FAM180B: variants seen among roughly 807,000 people sequenced by gnomAD.
FAM180B encodes family with sequence similarity 180 member B, also known as protein FAM180B.
In FAM180B, 14 loss-of-function variants were observed where a neutral mutation model predicts 13.6. The ratio of observed to expected loss-of-function variants is 1.03; its 90% CI spans 0.68 to 1.60. The LOEUF (loss-of-function observed/expected upper bound fraction) is 1.60, where lower values mean the gene tolerates loss of function less well. FAM180B is among the 40% of genes most tolerant of loss of function. FAM180B has a pLI of 0.00. For synonymous variants in FAM180B, 109 were observed against 97.0 expected (o/e 1.12, Z -0.72); for missense variants, 212 against 230.4 (o/e 0.92, Z 0.52).
chr11:47,586,845 C>G lies in FAM180B; in HGVS notation c.77C>G (p.Pro26Arg). The change falls in exon 1 of 3, where the codon CCC becomes CGC. Residue 26 changes from proline to arginine, a missense_variant. By Grantham distance (103) the Pro-to-Arg change is moderately radical. Coordinates refer to ENST00000538490, the MANE Select transcript of FAM180B (RefSeq NM_001164379.3). ...CLLSGVTTTQ[P>R]HAGQPMDSTS... Reference sequence around the variant, plus strand: ...CTCTCTGGTGTGACTACAACCCAGCCCCATGCAGGTACCAGGCTTCAGGGT... The same window carrying G: ...CTCTCTGGTGTGACTACAACCCAGCGCCATGCAGGTACCAGGCTTCAGGGT... 1 of 1,536,428 alleles carries G rather than the reference C, an allele frequency of 6.5e-7. No individual in the cohort carries two copies. Among genetic ancestry groups the G allele is most frequent in the Non-Finnish European group, 8.7e-7 (1 of 1,146,164 alleles).
In FAM180B at chr11:47,588,359, G is replaced by A. The variant is rs2097272924; in HGVS notation, c.477G>A (p.Leu159=). 7 of 1,534,884 alleles carry A rather than the reference G, an allele frequency of 4.6e-6. No homozygotes were observed. The highest frequency in any genetic ancestry group is 2.7e-5 in the African/African-American group (2 of 73,096). ...ALLAQETLWD[L]CKGFCPQDRP... ...TGGCACAGGAAACACTCTGGGACCT[G>A]TGCAAAGGTTTCTGCCCCCAGGACC... Residue 159 remains leucine (L), a synonymous_variant, in exon 3 of 3, where the codon CTG becomes CTA. Transcript: ENST00000538490.
In FAM180B at chr11:47,588,257, C is replaced by A. The variant is rs776998281; in HGVS notation, c.375C>A (p.Gly125=). 8 of 1,537,102 alleles carry A rather than the reference C, an allele frequency of 5.2e-6. No individual in the cohort carries two copies. In the South Asian group the frequency reaches 5.9e-5, roughly 11 times the overall value. Residue 125 remains glycine (G), a synonymous_variant, in exon 3 of 3, where the codon GGC becomes GGA. Coordinates refer to ENST00000538490, the MANE Select transcript of FAM180B (RefSeq NM_001164379.3). The part of the protein sequence containing the change: ...TWDFEHLLLT[G]LSCVYRLHAA... Reference sequence around the variant, plus strand: ...ACTTTGAACATCTGCTCCTCACAGGCCTGTCCTGCGTCTACCGGCTCCACG... The same window carrying A: ...ACTTTGAACATCTGCTCCTCACAGGACTGTCCTGCGTCTACCGGCTCCACG...
Position 47,586,853 on chromosome 11 carries a change from G to A in FAM180B, c.85G>A (p.Gly29Arg). The A allele has an allele frequency of 5.9e-6, 9 of 1,535,498 alleles. No individual in the cohort carries two copies. The highest frequency in any genetic ancestry group is 1.2e-5 in the South Asian group (1 of 84,044). The change falls in exon 1 of 3, where the codon GGG becomes AGG. Residue 29 changes from glycine (G) to arginine (R), a missense_variant and splice_region_variant. Physicochemically the swap from Gly to Arg is moderately radical, Grantham distance 125. Transcript: ENST00000538490. ...TGTGACTACAACCCAGCCCCATGCA[G>A]GTACCAGGCTTCAGGGTGGGTGGAG... ...SGVTTTQPHA[G>R]QPMDSTSVGG...
At position 47,588,675 on chromosome 11, in the gene FAM180B, T is replaced by G; in HGVS notation, c.*241T>G. ...TGGGTCGCAAGGAGTGCGCAAGGAG[T>G]GGGCACAGAGCTAAGGGCACGACTT... On this transcript the variant is annotated 3_prime_UTR_variant, in exon 3 of 3. Coordinates refer to ENST00000538490, the MANE Select transcript of FAM180B (RefSeq NM_001164379.3). The G allele has an allele frequency of 4.0e-6, 2 of 497,166 alleles. No individual in the cohort carries two copies. The highest frequency in any genetic ancestry group is 2.0e-5 in the African/African-American group (1 of 51,124). The allele number at this position is 497,166 out of a possible 1,614,324, so 30.8% of individuals were successfully genotyped here.
chr11:47,586,817 C>T lies in FAM180B; in HGVS notation c.49C>T (p.Leu17Phe), dbSNP rs2097271847. The change falls in exon 1 of 3, where the codon CTC becomes TTC. Residue 17 changes from leucine (L) to phenylalanine (F), a missense_variant. By Grantham distance (22) the Leu-to-Phe change is conservative. Transcript: ENST00000538490. Reference sequence around the variant, plus strand: ...GGTTTGCCTGGTGGTAGCCATTTGTCTCCTCTCTGGTGTGACTACAACCCA... The same window carrying T: ...GGTTTGCCTGGTGGTAGCCATTTGTTTCCTCTCTGGTGTGACTACAACCCA... ...FLVCLVVAIC[L>F]LSGVTTTQPH... 1 of 1,537,228 alleles carries T rather than the reference C, an allele frequency of 6.5e-7. No homozygotes were observed.
rs1363210592 is a variant in FAM180B at position 47,588,357 on chromosome 11, C to T, written c.475C>T (p.Leu159=). The change falls in exon 3 of 3, where the codon CTG becomes TTG. Residue 159 remains leucine (L), a synonymous_variant. Coordinates refer to ENST00000538490, the MANE Select transcript of FAM180B (RefSeq NM_001164379.3). ...ALLAQETLWD[L]CKGFCPQDRP... ...CCTGGCACAGGAAACACTCTGGGAC[C>T]TGTGCAAAGGTTTCTGCCCCCAGGA... is the stretch of plus-strand genomic sequence containing the variant. 10 of 1,536,600 alleles carry T rather than the reference C, an allele frequency of 6.5e-6. No homozygotes were observed. The highest frequency in any genetic ancestry group is 8.7e-6 in the Non-Finnish European group (10 of 1,146,460).
Position 47,588,268 on chromosome 11 carries a change from T to A in FAM180B, c.386T>A (p.Val129Asp), listed in dbSNP as rs373548103. 1 of 1,537,050 alleles carries A rather than the reference T, an allele frequency of 6.5e-7. No individual in the cohort carries two copies. The highest frequency in any genetic ancestry group is 1.4e-5 in the African/African-American group (1 of 73,020). The change falls in exon 3 of 3, where the codon GTC becomes GAC. Residue 129 changes from valine (V) to aspartate (D), a missense_variant. Coordinates refer to ENST00000538490, the MANE Select transcript of FAM180B (RefSeq NM_001164379.3). The stretch of plus-strand genomic sequence containing the variant: ...CTGCTCCTCACAGGCCTGTCCTGCG[T>A]CTACCGGCTCCACGCAGCTAGTGAG... ...EHLLLTGLSC[V>D]YRLHAASEAE...
At chr11:47,587,022 G>T (rs914567300) in intron 1 of FAM180B, among the ~76,000 whole-genome samples, 169 bp downstream of exon 1, 1 of 152,142 alleles carries the variant, frequency 6.6e-6, no homozygotes, top group African/African-American at 2.4e-5. Context: ...GAACTGGAAA[G>T]GTACAGGTGA....
At position 47,588,400 on chromosome 11, in the gene FAM180B, G is replaced by A. The variant is rs2097272970; in HGVS notation, c.518G>A (p.Gly173Glu). 1 of 1,516,214 alleles carries A rather than the reference G, an allele frequency of 6.6e-7. No homozygotes were observed. Among genetic ancestry groups the A allele is most frequent in the Non-Finnish European group, 8.8e-7 (1 of 1,132,018 alleles). The allele number at this position is 1,516,214 out of a possible 1,614,324, so 93.9% of individuals were successfully genotyped here. A position where few individuals can be genotyped will look rare whatever the true frequency, so the allele number is the denominator to read the frequency against. ...FCPQDRPPSL[G>E]SWASILDPFP The stretch of plus-strand genomic sequence containing the variant: ...CCCCAGGACCGGCCCCCTTCCCTGG[G>A]GTCCTGGGCCTCCATCCTTGACCCC... The change falls in exon 3 of 3, where the codon GGG becomes GAG. Residue 173 changes from glycine (G) to glutamate (E), a missense_variant. Physicochemically the swap from Gly to Glu is moderately conservative, Grantham distance 98 (BLOSUM62 -2). Transcript: ENST00000538490.
intron 1 of FAM180B, 66 bp from the exon 2 acceptor site, chr11:47,587,685 C>A: frequency 8.2e-7 from 1 of 1,214,876 alleles, no homozygotes. Context: ...CAGAGGGGCA[C>A]TTCTGGGAGG....
rs894865721 is a variant in FAM180B, at chr11:47,588,210, G to A, written c.328G>A (p.Gly110Arg). 6.5e-7 allele frequency: 1 copy of A among 1,537,108 alleles called. No homozygotes were observed. The stretch of plus-strand genomic sequence containing the variant: ...GCAGCAGCTCCAGGACCTGCGGAAG[G>A]GGCCTCCTCTTAGCACTTGGGACTT... ...WLQQLQDLRK[G>R]PPLSTWDFEH... Residue 110 changes from glycine to arginine, a missense_variant, in exon 3 of 3, where the codon GGG becomes AGG. Physicochemically the swap from Gly to Arg is moderately radical, Grantham distance 125 (BLOSUM62 -2). Transcript: ENST00000538490.
At position 47,586,936 on chromosome 11, in the gene FAM180B, G is replaced by A. The variant is rs555794196; in HGVS notation, c.85+83G>A. ...CAGTTGGCTCTATTTGAGGCTAGTCGGGCATAGAAGCGTGGGCATGGTGGG... is the reference window on the plus strand; with the variant it reads ...CAGTTGGCTCTATTTGAGGCTAGTCAGGCATAGAAGCGTGGGCATGGTGGG... On this transcript the variant is annotated intron_variant, in intron 1 of 2. Coordinates refer to ENST00000538490, the MANE Select transcript of FAM180B (RefSeq NM_001164379.3). The A allele has an allele frequency of 2.1e-4, 199 of 935,072 alleles. 1 individual carries two copies. The highest frequency in any genetic ancestry group is 2.6e-4 in the Non-Finnish European group (159 of 602,268). 57.9% of individuals were successfully genotyped at this position (935,072 alleles called of 1,614,324 possible). A position where few individuals can be genotyped will look rare whatever the true frequency, so the allele number is the denominator to read the frequency against.
chr11:47,586,728 G>C lies in FAM180B; in HGVS notation c.-41G>C. On this transcript the variant is annotated 5_prime_UTR_variant, in exon 1 of 3. Transcript: ENST00000538490. ...TGTGGCAGGCAGATGAGGGAGCAGA[G>C]AACTGCTGAACAGAGTGAGACTCAG... 6.9e-7 allele frequency: 1 copy of C among 1,445,854 alleles called. No individual in the cohort carries two copies. The highest frequency in any genetic ancestry group is 1.4e-5 in the African/African-American group (1 of 71,416). The allele number at this position is 1,445,854 out of a possible 1,614,324, so 89.6% of individuals were successfully genotyped here. A position where few individuals can be genotyped will look rare whatever the true frequency, so the allele number is the denominator to read the frequency against.
rs2097272856 is a variant in FAM180B, at chr11:47,588,305, G to C, written c.423G>C (p.Arg141=). The stretch of plus-strand genomic sequence containing the variant: ...ACGCAGCTAGTGAGGCTGAGGAACG[G>C]GGCCGCTGGGCCCAGGTCTTCGCTC... The part of the protein sequence containing the change: ...RLHAASEAEE[R]GRWAQVFALL... Residue 141 remains arginine (R), a synonymous_variant, in exon 3 of 3, where the codon CGG becomes CGC. Transcript: ENST00000538490. 6.5e-6 allele frequency: 10 copies of C among 1,537,120 alleles called. No individual in the cohort carries two copies. The highest frequency in any genetic ancestry group is 8.7e-6 in the Non-Finnish European group (10 of 1,146,858).
intron 1 of FAM180B, 149 bp from the exon 2 acceptor site, chr11:47,587,602 G>A: frequency 1.7e-6 from 1 of 583,388 alleles, no homozygotes; most frequent in Non-Finnish European, 3.0e-6. Flanking sequence ...GAGAGGGAGG[G>A]GAAAGGAGGG....
Position 47,588,178 on chromosome 11 carries a change from A to G in FAM180B, c.296A>G (p.Gln99Arg). 2.0e-6 allele frequency: 3 copies of G among 1,537,140 alleles called. No individual in the cohort carries two copies. Among genetic ancestry groups the G allele is most frequent in the Non-Finnish European group, 2.6e-6 (3 of 1,146,862 alleles). Residue 99 changes from glutamine (Q) to arginine (R), a missense_variant, in exon 3 of 3, where the codon CAG becomes CGG. Physicochemically the swap from Gln to Arg is conservative, Grantham distance 43. Coordinates refer to ENST00000538490, the MANE Select transcript of FAM180B (RefSeq NM_001164379.3). ...HVPSDLEGTE[Q>R]WLQQLQDLRK... ...CCCAGTGACTTGGAGGGCACTGAGCAGTGGCTGCAGCAGCTCCAGGACCTG... is the reference window on the plus strand; with the variant it reads ...CCCAGTGACTTGGAGGGCACTGAGCGGTGGCTGCAGCAGCTCCAGGACCTG...
intron 1 of FAM180B, among the ~76,000 whole-genome samples, chr11:47,587,305 C>G (rs148273292): frequency 7.6e-4 from 115 of 152,256 alleles, no homozygotes; most frequent in Middle Eastern, 6.8e-3. Context: ...TCCCTTACTG[C>G]TGAGGAGGAG....
rs1046789280 is a variant in FAM180B at position 47,588,493 on chromosome 11, C to T, written c.*59C>T. On this transcript the variant is annotated 3_prime_UTR_variant, in exon 3 of 3. Coordinates refer to ENST00000538490, the MANE Select transcript of FAM180B (RefSeq NM_001164379.3). The stretch of plus-strand genomic sequence containing the variant: ...CCCTCCCATCTCCTCCTCAACCCCC[C>T]AGGCAGACCCATCTTGCGCAGGGGC... 5.2e-6 allele frequency: 4 copies of T among 769,296 alleles called. No individual in the cohort carries two copies. Among genetic ancestry groups the T allele is most frequent in the Admixed American group, 2.8e-5 (1 of 35,626 alleles). The allele number at this position is 769,296 out of a possible 1,614,324, so 47.7% of individuals were successfully genotyped here.
rs1565946905 is a variant in FAM180B, at chr11:47,589,043, G to A, written c.*609G>A. On this transcript the variant is annotated 3_prime_UTR_variant, in exon 3 of 3. Transcript: ENST00000538490. ...GGGAGGGAGGAACATTATCTCTTTT[G>A]GGGTAGGGAGGCAATATCTCAACAA... 6.6e-6 allele frequency: 1 copy of A among 152,162 alleles called. No homozygotes were observed. Among genetic ancestry groups the A allele is most frequent in the African/African-American group, 2.4e-5 (1 of 41,392 alleles). 9.4% of individuals were successfully genotyped at this position (152,162 alleles called of 1,614,324 possible).
Sources: allele counts gnomAD v4.1 joint callset (sites outside exome capture counted in the v4.1 genomes callset), GRCh38; gene constraint gnomAD v4.1.1; transcripts MANE v1.5; gene names NCBI Gene and HGNC (gene_info 2026-07-23, HGNC 2026-07-21).